Variants in TTN observed in about 807,000 individuals in gnomAD.
The protein encoded by TTN is connectin.
A neutral mutation model predicts 3,223.0 loss-of-function variants in TTN; 1,525 were observed. That is an observed-to-expected ratio of 0.47 (90% CI 0.45 to 0.49). The LOEUF (loss-of-function observed/expected upper bound fraction) is 0.49. Among genes scored for constraint, TTN ranks in the 20% least tolerant of loss-of-function variants. The pLI is 0.00. For missense variants in TTN, 40,786 were observed against 43,424.0 expected (o/e 0.94, Z 5.40); for synonymous variants, 14,094 against 15,161.0 (o/e 0.93, Z 5.17).
At chr2:178,782,773 G>A (rs1469931571) in intron 18 of TTN, 33 bp downstream of exon 18, 2 of 1,612,066 alleles carry the variant, frequency 1.2e-6, no homozygotes, top group South Asian at 2.2e-5. Context: ...GTGATGGCAT[G>A]TGCATTAGGA....
intron 213 of TTN, among the ~76,000 whole-genome samples, chr2:178,648,869 TAG>T (rs1402933912): frequency 6.6e-6 from 1 of 152,180 alleles, no homozygotes; most frequent in Admixed American, 6.6e-5. Flanking sequence ...CTGTCTGTAT[TAG>T]AGTCCTGTTA....
At chr2:178,596,615 CAAATT>C (rs988516011) in intron 294 of TTN, among the ~76,000 whole-genome samples, 1 of 152,064 alleles carries the variant, frequency 6.6e-6, no homozygotes, top group Admixed American at 6.5e-5. Context: ...TACCAGTTCT[CAAATT>C]AAAGTAATAA....
At chr2:178,672,583 T>C in intron 153 of TTN, 52 bp downstream of exon 153, 1 of 1,607,012 alleles carries the variant, frequency 6.2e-7, no homozygotes, top group Admixed American at 1.7e-5. Flanking sequence ...AACATAAAAG[T>C]CTTAACGAAA....
rs1343017987 is a variant in TTN, at chr2:178,768,027, G to C, written c.9292C>G (p.Gln3098Glu). 5 of 1,614,142 alleles carry C rather than the reference G, an allele frequency of 3.1e-6. No homozygotes were observed. Among genetic ancestry groups the C allele is most frequent in the Non-Finnish European group, 4.2e-6 (5 of 1,180,006 alleles). ...AAAACAACTGACCTGTCTGTGATCT[G>C]CAGTTCCTGGTCATCTTTCATCCAC... ...VQWMKDDQELQITDRIKIQKE... is the reference protein window; with the variant it reads ...VQWMKDDQELEITDRIKIQKE... The change falls in exon 39 of 363, where the codon CAG (glutamine) becomes GAG (glutamate). Residue 3098 changes from glutamine to glutamate, a missense_variant. Coordinates refer to ENST00000589042, the MANE Select transcript of TTN (RefSeq NM_001267550.2).
rs746133271 is a variant in TTN, at chr2:178,751,750, C to T, written c.11311+1374G>A. The T allele has an allele frequency of 3.1e-6, 5 of 1,613,140 alleles. No individual in the cohort carries two copies. The African/African-American group carries it at 4.0e-5, about 13-fold the overall frequency. On this transcript the variant is annotated intron_variant, in intron 47 of 362. Transcript: ENST00000589042. ...GTAAATCACTCTCAGCTTTTATAAT[C>T]CGACGAAGACCTGTTGGGATGGGCC...
At chr2:178,667,140 T>A in intron 162 of TTN, 96 bp downstream of exon 162, 2 of 1,139,508 alleles carry the variant, frequency 1.8e-6, no homozygotes, top group South Asian at 3.1e-5. Context: ...TATTTTAACA[T>A]TAGAGGTTGT....
In TTN at chr2:178,605,441, G is replaced by T; in HGVS notation, c.53854C>A (p.Leu17952Ile). 6.2e-7 allele frequency: 1 copy of T among 1,607,136 alleles called. No individual in the cohort carries two copies. The highest frequency in any genetic ancestry group is 8.5e-7 in the Non-Finnish European group (1 of 1,175,902). Reference sequence around the variant, plus strand: ...TCATCATCTTGTATGACTACATTAAGAGGTAGGGATGGTTCACTTTCACCA... The same window carrying T: ...TCATCATCTTGTATGACTACATTAATAGGTAGGGATGGTTCACTTTCACCA... ...EIGESEPSLPLNVVIQDDEVP... is the reference protein window; with the variant it reads ...EIGESEPSLPINVVIQDDEVP... The change falls in exon 279 of 363, where the codon CTT becomes ATT. Residue 17952 changes from leucine (L) to isoleucine (I), a missense_variant. Leu to Ile is a conservative substitution (Grantham distance 5, BLOSUM62 2). Transcript: ENST00000589042.
chr2:178,673,017 A>G (rs186611265), intron 152 of TTN, among the ~76,000 whole-genome samples: 54 of 151,656 alleles, frequency 3.6e-4, no homozygotes, highest in African/African-American at 1.2e-3. Context: ...AGTGATTACC[A>G]TTGTAGAGTA....
Position 178,575,656 on chromosome 2 carries a change from G to A in TTN, c.70476C>T (p.Cys23492=). 6.2e-7 allele frequency: 1 copy of A among 1,613,564 alleles called. No homozygotes were observed. Among genetic ancestry groups the A allele is most frequent in the Non-Finnish European group, 8.5e-7 (1 of 1,179,640 alleles). ...CAGACAAGCCGGTAACTTTATATGT[G>A]CATTTATGGCACTTAGTGGTGGCTG... ...YSTATTKCHK[C]TYKVTGLSEG... The change falls in exon 326 of 363, where the codon TGC becomes TGT. Residue 23492 remains cysteine (C), a synonymous_variant. Transcript: ENST00000589042. This position sits in a 1 kb window ranked among gnomAD's most constrained non-coding sequence, Gnocchi z 4.0.
In TTN at chr2:178,547,204, T is replaced by C; in HGVS notation, c.94321A>G (p.Ile31441Val). 1.2e-6 allele frequency: 2 copies of C among 1,613,858 alleles called. No individual in the cohort carries two copies. The highest frequency in any genetic ancestry group is 1.7e-6 in the Non-Finnish European group (2 of 1,179,778). The change falls in exon 340 of 363, where the codon ATT becomes GTT. Residue 31441 changes from isoleucine (I) to valine (V), a missense_variant. By Grantham distance (29) the Ile-to-Val change is conservative (BLOSUM62 3). Coordinates refer to ENST00000589042, the MANE Select transcript of TTN (RefSeq NM_001267550.2). ...TCTTTCTTCTCAACCCAGTAGCCAA[T>C]GATTTTACTGCCACCATCGTGGTAG... ...EPYHDGGSKI[I>V]GYWVEKKERN... is the part of the protein sequence containing the mutation.
At chr2:178,635,341 G>T in intron 227 of TTN, 37 bp from the exon 228 acceptor site, 1 of 1,610,370 alleles carries the variant, frequency 6.2e-7, no homozygotes, top group Non-Finnish European at 8.5e-7. Flanking sequence ...TAATGCTTTA[G>T]ACAACCCAAC....
chr2:178,635,618 T>G lies in TTN; in HGVS notation c.41706A>C (p.Pro13902=). The change falls in exon 227 of 363, where the codon CCA becomes CCC. Residue 13902 remains proline, a synonymous_variant. Coordinates refer to ENST00000589042, the MANE Select transcript of TTN (RefSeq NM_001267550.2). ...IFACDIAKDT[P]NIKWFKGYDE... The stretch of plus-strand genomic sequence containing the variant: ...CATATCCTTTGAACCACTTAATGTT[T>G]GGAGTATCTTTTGCTATATCACAGG... 6 of 1,594,464 alleles carry G rather than the reference T, an allele frequency of 3.8e-6. No individual in the cohort carries two copies. The highest frequency in any genetic ancestry group is 5.1e-6 in the Non-Finnish European group (6 of 1,169,326).
At chr2:178,541,964 C>T in intron 349 of TTN, 7 of 285,492 alleles carry the variant, frequency 2.5e-5, no homozygotes, top group Admixed American at 4.7e-5. Context: ...CCTTCCTTTC[C>T]TCTCTTCCTC....
chr2:178,755,672 G>A (rs1245038249), intron 46 of TTN, among the ~76,000 whole-genome samples: 1 of 152,114 alleles, frequency 6.6e-6, no homozygotes, highest in East Asian at 1.9e-4. Flanking sequence ...TCAAACTCCT[G>A]ACCTCAAGTG....
chr2:178,727,457 C>T, intron 68 of TTN, 86 bp from the exon 69 acceptor site: 3 of 1,503,770 alleles, frequency 2.0e-6, no homozygotes, highest in Non-Finnish European at 2.7e-6. Flanking sequence ...AAGAGAAAAA[C>T]ATGAGCAAAT....
chr2:178,695,933 C>A lies in TTN; in HGVS notation c.31139G>T (p.Gly10380Val). The change falls in exon 114 of 363, where the codon GGG becomes GTG. Residue 10380 changes from glycine (G) to valine (V), a missense_variant. Coordinates refer to ENST00000589042, the MANE Select transcript of TTN (RefSeq NM_001267550.2). The stretch of plus-strand genomic sequence containing the variant: ...GTAAGCCTCTTCCCACTCTTCCTCC[C>A]CTTCGTCATAGCCTTCTTCCCTTTC... ...YYEREEGYDE[G>V]EEEWEEAYQE... The A allele has an allele frequency of 2.0e-6, 3 of 1,502,198 alleles. No individual in the cohort carries two copies. The highest frequency in any genetic ancestry group is 2.7e-6 in the Non-Finnish European group (3 of 1,126,646). The allele number at this position is 1,502,198 out of a possible 1,614,324, so 93.1% of individuals were successfully genotyped here.
In TTN at chr2:178,538,651, T is replaced by G. The variant is rs142108986; in HGVS notation, c.99178A>C (p.Ile33060Leu). The G allele has an allele frequency of 1.2e-5, 19 of 1,613,788 alleles. No homozygotes were observed. The African/African-American group carries it at 2.4e-4, about 20-fold the overall frequency. The change falls in exon 354 of 363, where the codon ATA becomes CTA. Residue 33060 changes from isoleucine (I) to leucine (L), a missense_variant. Physicochemically the swap from Ile to Leu is conservative, Grantham distance 5. Coordinates refer to ENST00000589042, the MANE Select transcript of TTN (RefSeq NM_001267550.2). ...TCAGTAGCTTCCAGCAAACCTCCTA[T>G]TGTGAATTGCTTGTCCTTAATACGT... Reference protein sequence around the residue: ...KERIKDKQFTIGGLLEATEYE... With the variant: ...KERIKDKQFTLGGLLEATEYE...
In TTN at chr2:178,572,559, C is replaced by T. The variant is rs1273296080; in HGVS notation, c.73573G>A (p.Asp24525Asn). The stretch of plus-strand genomic sequence containing the variant: ...TTAGTGACCTCTTTTACCTTCAGAT[C>T]CTGTGGGGGGCCTGGTGTATCGAGA... The part of the protein sequence containing the change: ...RVLDTPGPPQ[D>N]LKVKEVTKTS... Residue 24525 changes from aspartate to asparagine, a missense_variant, in exon 326 of 363, where the codon GAT becomes AAT. Transcript: ENST00000589042. 3 of 1,613,310 alleles carry T rather than the reference C, an allele frequency of 1.9e-6. No homozygotes were observed. Among genetic ancestry groups the T allele is most frequent in the Non-Finnish European group, 2.5e-6 (3 of 1,179,614 alleles).
intron 44 of TTN, 77 bp downstream of exon 44, chr2:178,758,907 C>T: frequency 7.2e-7 from 1 of 1,394,056 alleles, no homozygotes; most frequent in South Asian, 1.2e-5. Flanking sequence ...TTTACATGAA[C>T]TCTTGAGTAA....
Sources: allele counts gnomAD v4.1 joint callset (sites outside exome capture counted in the v4.1 genomes callset), GRCh38; gene constraint gnomAD v4.1.1; non-coding constraint Gnocchi (gnomAD v3.1); transcripts MANE v1.5; gene names NCBI Gene and HGNC (gene_info 2026-07-23, HGNC 2026-07-21).